Variants in CPNE9 observed in about 807,000 individuals in gnomAD.
CPNE9 encodes copine-9.
A neutral mutation model predicts 83.0 loss-of-function variants in CPNE9; 59 were observed. The ratio of observed to expected loss-of-function variants is 0.71; its 90% CI spans 0.58 to 0.88. The LOEUF (loss-of-function observed/expected upper bound fraction) is 0.88. Ranked by LOEUF, CPNE9 falls within the 40% of genes least tolerant of loss-of-function variation. The pLI is 0.00. For missense variants in CPNE9, 619 were observed against 720.8 expected, an observed-to-expected ratio of 0.86 and a Z score of 1.62; for synonymous variants, 256 against 273.4, an observed-to-expected ratio of 0.94 and a Z score of 0.63.
chr3:9,723,809 G>C (rs1441573039), intron 17 of CPNE9, among the ~76,000 whole-genome samples: 1 of 152,170 alleles, frequency 6.6e-6, no homozygotes, highest in African/African-American at 2.4e-5. Context: ...CTCCCAAAGT[G>C]CTTGGATTAC....
chr3:9,705,161 G>T (rs1052952601), intron 4 of CPNE9, 167 bp downstream of exon 4: 4 of 659,026 alleles, frequency 6.1e-6, no homozygotes, highest in Admixed American at 4.4e-5. Flanking sequence ...TATGAGATGC[G>T]GTCCAGTTCC....
At chr3:9,708,897 G>C (rs940989349) in intron 7 of CPNE9, among the ~76,000 whole-genome samples, 1 of 151,636 alleles carries the variant, frequency 6.6e-6, no homozygotes, top group Non-Finnish European at 1.5e-5. Flanking sequence ...GCCTCCCAAA[G>C]TACTGGGATT....
At chr3:9,711,221 G>C (rs1439816918) in intron 7 of CPNE9, among the ~76,000 whole-genome samples, 1 of 151,946 alleles carries the variant, frequency 6.6e-6, no homozygotes, top group Non-Finnish European at 1.5e-5. Context: ...TTATTTTTTT[G>C]AGACAGAGTC....
chr3:9,725,014 C>T (rs1478628086), intron 17 of CPNE9, among the ~76,000 whole-genome samples: 1 of 152,016 alleles, frequency 6.6e-6, no homozygotes, highest in East Asian at 1.9e-4. Context: ...ACCTCGGCCT[C>T]CCAAAGTGCT....
chr3:9,707,932 A>C (rs1039389243), intron 7 of CPNE9, among the ~76,000 whole-genome samples: 1 of 151,976 alleles, frequency 6.6e-6, no homozygotes, highest in Non-Finnish European at 1.5e-5. Context: ...TGAGTCTTGG[A>C]TGTTGGTTTT....
chr3:9,718,565 C>T lies in CPNE9; in HGVS notation c.1204C>T (p.Pro402Ser). 6.2e-7 allele frequency: 1 copy of T among 1,613,400 alleles called. No homozygotes were observed. Among genetic ancestry groups the T allele is most frequent in the Non-Finnish European group, 8.5e-7 (1 of 1,179,656 alleles). ...QSLRTVQLYGPTYFAPVINQV... is the reference protein window; with the variant it reads ...QSLRTVQLYGSTYFAPVINQV... ...CCTGCGCACAGTGCAGCTCTATGGG[C>T]CCACCTACTTTGCTCCTGTCATCAA... Residue 402 changes from proline to serine, a missense_variant, in exon 17 of 21, where the codon CCC becomes TCC. This residue lies in a region of CPNE9 where 438 missense variants were observed against 562.9 expected (regional missense o/e 0.78). Transcript: ENST00000383832.
chr3:9,704,625 C>T lies in CPNE9; in HGVS notation c.107C>T (p.Pro36Leu). The T allele has an allele frequency of 6.2e-7, 1 of 1,614,018 alleles. No individual in the cohort carries two copies. Among genetic ancestry groups the T allele is most frequent in the Non-Finnish European group, 8.5e-7 (1 of 1,179,862 alleles). ...CTTGATACCTTCTCCAAGTCCGACCCCAGTAGGCGGCTCCAGGACCGGGAG... is the reference window on the plus strand; with the variant it reads ...CTTGATACCTTCTCCAAGTCCGACCTCAGTAGGCGGCTCCAGGACCGGGAG... ...LDLDTFSKSD[P>L]MVVLYTQSRA... Residue 36 changes from proline to leucine, a missense_variant and splice_region_variant, in exon 2 of 21, where the codon CCC (proline) becomes CTC (leucine). By Grantham distance (98) the Pro-to-Leu change is moderately conservative. Transcript: ENST00000383832. This position sits in a 1 kb window ranked among gnomAD's most constrained non-coding sequence, Gnocchi z 7.1.
intron 6 of CPNE9, 57 bp from the exon 7 acceptor site, chr3:9,705,930 A>C: frequency 6.4e-7 from 1 of 1,569,280 alleles, no homozygotes; most frequent in African/African-American, 1.3e-5. Flanking sequence ...CACTGGGGCT[A>C]GGCTGGGACT....
At chr3:9,721,156 T>TCCCTC (rs1181855442) in intron 17 of CPNE9, among the ~76,000 whole-genome samples, 1 of 152,196 alleles carries the variant, frequency 6.6e-6, no homozygotes, top group African/African-American at 2.4e-5. Flanking sequence ...TCAGATCTAG[T>TCCCTC]CCCTCCCCTT....
At chr3:9,718,390 G>GA in intron 16 of CPNE9, 85 bp from the exon 17 acceptor site, 1 of 1,536,344 alleles carries the variant, frequency 6.5e-7, no homozygotes, top group Non-Finnish European at 8.9e-7. Flanking sequence ...GGGACTGATG[G>GA]AAAAAGGAAG....
intron 14 of CPNE9, among the ~76,000 whole-genome samples, chr3:9,716,834 A>T (rs1038761072): frequency 6.6e-6 from 1 of 152,126 alleles, no homozygotes; most frequent in East Asian, 1.9e-4. Flanking sequence ...CATATAATAC[A>T]CCTGCCACAC....
chr3:9,717,139 GA>G, intron 15 of CPNE9, 35 bp downstream of exon 15: 1 of 1,611,516 alleles, frequency 6.2e-7, no homozygotes. Context: ...TCGGAGGTGG[GA>G]AGGCACTTCT....
At chr3:9,711,390 C>A (rs1361430886) in intron 7 of CPNE9, among the ~76,000 whole-genome samples, 2 of 149,126 alleles carry the variant, frequency 1.3e-5, no homozygotes, top group Non-Finnish European at 3.0e-5. Flanking sequence ...TTTTTTTTTG[C>A]AGTTTTAGAA....
intron 10 of CPNE9, 146 bp downstream of exon 10, chr3:9,713,225 G>T: frequency 1.6e-6 from 1 of 642,724 alleles, no homozygotes. Flanking sequence ...TTGGGTGGAT[G>T]GACAGGCAGA....
intron 17 of CPNE9, among the ~76,000 whole-genome samples, chr3:9,720,650 T>G (rs934929529): frequency 6.6e-6 from 1 of 152,244 alleles, no homozygotes; most frequent in Non-Finnish European, 1.5e-5. Context: ...ATAATTATAG[T>G]CAAATTATTA....
At chr3:9,708,545 C>T (rs1006367710) in intron 7 of CPNE9, among the ~76,000 whole-genome samples, 3 of 152,236 alleles carry the variant, frequency 2.0e-5, no homozygotes, top group Non-Finnish European at 4.4e-5. Flanking sequence ...TTGGCCATTG[C>T]ATTTAGCAAG....
At chr3:9,729,154 A>C (rs574223513) in intron 20 of CPNE9, among the ~76,000 whole-genome samples, 1 of 152,190 alleles carries the variant, frequency 6.6e-6, no homozygotes, top group Non-Finnish European at 1.5e-5. Flanking sequence ...GGACGTGTCC[A>C]GAAGAATTAT....
chr3:9,709,363 A>T (rs2076600116), intron 7 of CPNE9, among the ~76,000 whole-genome samples: 1 of 148,878 alleles, frequency 6.7e-6, no homozygotes, highest in Admixed American at 6.6e-5. Context: ...ATAAGTTTAT[A>T]ATTTTTTTTT....
At position 9,718,081 on chromosome 3, in the gene CPNE9, C is replaced by A; in HGVS notation, c.984C>A (p.Ser328Arg). 6.2e-7 allele frequency: 1 copy of A among 1,614,078 alleles called. No homozygotes were observed. The highest frequency in any genetic ancestry group is 8.5e-7 in the Non-Finnish European group (1 of 1,179,954). Residue 328 changes from serine to arginine, a missense_variant, in exon 16 of 21, where the codon AGC (serine) becomes AGA (arginine). Transcript: ENST00000383832. ...ACTACATGAGTCCCTACCAGCTCAG[C>A]GCCTATGCCATGGCCCTCAAGGCAG... Reference protein sequence around the residue: ...SLHYMSPYQLSAYAMALKAVG... With the variant: ...SLHYMSPYQLRAYAMALKAVG...
Sources: allele counts gnomAD v4.1 joint callset (sites outside exome capture counted in the v4.1 genomes callset), GRCh38; gene constraint gnomAD v4.1.1; regional missense constraint gnomAD v4.1.1; non-coding constraint Gnocchi (gnomAD v3.1); transcripts MANE v1.5; gene names NCBI Gene and HGNC (gene_info 2026-07-23, HGNC 2026-07-21).